MUL1: variants seen among roughly 807,000 people sequenced by gnomAD.
MUL1 encodes the protein mitochondrial E3 ubiquitin protein ligase 1.
Under a neutral mutation model 34.1 loss-of-function variants are expected in MUL1, and 30 were observed. The ratio of observed to expected loss-of-function variants is 0.88; its 90% CI spans 0.66 to 1.19. MUL1 has a LOEUF of 1.19. Ranked by LOEUF, MUL1 falls within the 50% of genes most tolerant of loss-of-function variation. The probability of loss-of-function intolerance (pLI) is 0.00; values close to 1 mark genes in which losing one functional copy is unlikely to be tolerated. For missense variants in MUL1, 419 were observed against 450.5 expected (o/e 0.93, Z 0.63); for synonymous variants, 191 against 187.8 (o/e 1.02, Z -0.14).
In MUL1 at chr1:20,500,432, C is replaced by T. The variant is rs2051642171; in HGVS notation, c.*258G>A. 1 of 421,552 alleles carries T rather than the reference C, an allele frequency of 2.4e-6. No homozygotes were observed. Among genetic ancestry groups the T allele is most frequent in the South Asian group, 4.9e-5 (1 of 20,316 alleles). 26.1% of individuals were successfully genotyped at this position (421,552 alleles called of 1,614,324 possible). On this transcript the variant is annotated 3_prime_UTR_variant, in exon 4 of 4. Coordinates refer to ENST00000264198, the MANE Select transcript of MUL1 (RefSeq NM_024544.3). ...AGTCACACTCGCACTGATCTGGCTC[C>T]TGGGAGGAGACGCCACGGCATCCTC... is the stretch of plus-strand genomic sequence containing the variant.
Position 20,500,533 on chromosome 1 carries a change from G to A in MUL1, c.*157C>T. On this transcript the variant is annotated 3_prime_UTR_variant, in exon 4 of 4. Coordinates refer to ENST00000264198, the MANE Select transcript of MUL1 (RefSeq NM_024544.3). ...TGGGAAAGGCAGCATCCTGCCATTG[G>A]AGGCATGGGTCTGGAGAGTTTCTAC... 1 of 942,292 alleles carries A rather than the reference G, an allele frequency of 1.1e-6. No homozygotes were observed. Among genetic ancestry groups the A allele is most frequent in the Non-Finnish European group, 1.5e-6 (1 of 647,144 alleles). 58.4% of individuals were successfully genotyped at this position (942,292 alleles called of 1,614,324 possible).
In MUL1 at chr1:20,500,871, T is replaced by C. The variant is rs149457360; in HGVS notation, c.878A>G (p.Glu293Gly). 1.7e-5 allele frequency: 27 copies of C among 1,613,992 alleles called. No homozygotes were observed. The highest frequency in any genetic ancestry group is 3.3e-5 in the Admixed American group (2 of 60,002). The change falls in exon 4 of 4, where the codon GAG becomes GGG. Residue 293 changes from glutamate (E) to glycine (G), a missense_variant. Transcript: ENST00000264198. ...EAQLLSRAKPEDRESLKSACV... is the reference protein window; with the variant it reads ...EAQLLSRAKPGDRESLKSACV... ...GGCGCTCTTCAGACTCTCCCTGTCCTCAGGCTTGGCTCGGCTCAGCAGCTG... is the reference window on the plus strand; with the variant it reads ...GGCGCTCTTCAGACTCTCCCTGTCCCCAGGCTTGGCTCGGCTCAGCAGCTG...
At chr1:20,507,691 A>G (rs1374113039) in intron 1 of MUL1, among the ~76,000 whole-genome samples, 1 of 152,264 alleles carries the variant, frequency 6.6e-6, no homozygotes, top group Non-Finnish European at 1.5e-5. Flanking sequence ...TCTGAGTCAT[A>G]AGAGGGACTT....
chr1:20,503,240 G>A lies in MUL1; in HGVS notation c.190C>T (p.Pro64Ser), dbSNP rs200441655. 144 of 1,607,892 alleles carry A rather than the reference G, an allele frequency of 9.0e-5. 1 individual carries two copies. Among genetic ancestry groups the A allele is most frequent in the Non-Finnish European group, 3.4e-6 (4 of 1,177,024 alleles). The change falls in exon 2 of 4, where the codon CCT becomes TCT. Residue 64 changes from proline to serine, a missense_variant. Physicochemically the swap from Pro to Ser is moderately conservative, Grantham distance 74. Transcript: ENST00000264198. ...ILSEAPGKCV[P>S]YAVIEGAVRS... ...AACATACCTTCTATAACAGCATAAG[G>A]CACGCATTTTCCTGGAGCTTCTGAA...
In MUL1 at chr1:20,508,078, C is replaced by T. The variant is rs1570338197; in HGVS notation, c.-54G>A. The T allele has an allele frequency of 1.9e-6, 3 of 1,552,518 alleles. No homozygotes were observed. In the Admixed American group the frequency reaches 5.9e-5, roughly 30 times the overall value. ...TGGCGCCAAGGATAGGCCTGGTGAC[C>T]CCCGACTCTCCACCTCCTTCCGACC... On this transcript the variant is annotated 5_prime_UTR_variant, in exon 1 of 4. Transcript: ENST00000264198.
rs2051666173 is a variant in MUL1, at chr1:20,501,998, C to T, written c.329+71G>A. ...TCAGGAGAAGCTGAAGTCACGGCAA[C>T]AGCACCCAGGACCCCAGCATTTGAA... On this transcript the variant is annotated intron_variant, in intron 3 of 3. Transcript: ENST00000264198. This position sits in a 1 kb window ranked among gnomAD's most constrained non-coding sequence, Gnocchi z 4.2. 2.5e-6 allele frequency: 4 copies of T among 1,597,624 alleles called. No homozygotes were observed. The African/African-American group carries it at 5.4e-5, about 21-fold the overall frequency.
intron 1 of MUL1, 45 bp downstream of exon 1, chr1:20,507,860 G>T (rs1327661539): frequency 7.6e-6 from 12 of 1,582,452 alleles, no homozygotes; most frequent in Non-Finnish European, 8.6e-6. Flanking sequence ...CCAGCACCTG[G>T]GACAGAGATG....
In MUL1 at chr1:20,500,549, G is replaced by T; in HGVS notation, c.*141C>A. 1 of 1,145,706 alleles carries T rather than the reference G, an allele frequency of 8.7e-7. No individual in the cohort carries two copies. The highest frequency in any genetic ancestry group is 1.2e-6 in the Non-Finnish European group (1 of 817,714). 71.0% of individuals were successfully genotyped at this position (1,145,706 alleles called of 1,614,324 possible). A position where few individuals can be genotyped will look rare whatever the true frequency, so the allele number is the denominator to read the frequency against. ...CTGCCATTGGAGGCATGGGTCTGGAGAGTTTCTACCCAATTCCTCCCTCAA... is the reference window on the plus strand; with the variant it reads ...CTGCCATTGGAGGCATGGGTCTGGATAGTTTCTACCCAATTCCTCCCTCAA... On this transcript the variant is annotated 3_prime_UTR_variant, in exon 4 of 4. Transcript: ENST00000264198.
At position 20,501,884 on chromosome 1, in the gene MUL1, A is replaced by G. The variant is rs2051664689; in HGVS notation, c.329+185T>C. On this transcript the variant is annotated intron_variant, in intron 3 of 3. Transcript: ENST00000264198. The surrounding 1 kb of genome is among the most constrained non-coding windows in gnomAD (Gnocchi z 4.2). ...AGGGAGCTCAGAAATCTGCATTTCAACAAGATGCCTCGGTGATTCCGACAT... is the reference window on the plus strand; with the variant it reads ...AGGGAGCTCAGAAATCTGCATTTCAGCAAGATGCCTCGGTGATTCCGACAT... 6.6e-6 allele frequency among the ~76,000 whole-genome samples: 1 copy of G among 152,230 alleles called. No homozygotes were observed. Among genetic ancestry groups the G allele is most frequent in the Non-Finnish European group, 1.5e-5 (1 of 68,036 alleles).
At chr1:20,506,753 G>A (rs1002372590) in intron 1 of MUL1, among the ~76,000 whole-genome samples, 2 of 152,098 alleles carry the variant, frequency 1.3e-5, no homozygotes, top group East Asian at 1.9e-4. Context: ...CGGAGGCTGA[G>A]GCAGGAAAAT....
chr1:20,504,880 CATT>C (rs1234422893), intron 1 of MUL1, among the ~76,000 whole-genome samples: 3 of 152,190 alleles, frequency 2.0e-5, no homozygotes, highest in South Asian at 4.1e-4. Flanking sequence ...TTACGGTAGA[CATT>C]ATTATCACCA....
chr1:20,499,450 G>C lies in MUL1; in HGVS notation c.*1240C>G, dbSNP rs1380183508. The C allele has an allele frequency of 6.6e-6, 1 of 152,246 alleles. No homozygotes were observed. The highest frequency in any genetic ancestry group is 1.5e-5 in the Non-Finnish European group (1 of 68,060). 9.4% of individuals were successfully genotyped at this position (152,246 alleles called of 1,614,324 possible). On this transcript the variant is annotated 3_prime_UTR_variant, in exon 4 of 4. Coordinates refer to ENST00000264198, the MANE Select transcript of MUL1 (RefSeq NM_024544.3). ...TTAACAAAGCAACAGGCTAGCACTT[G>C]GTTGCAACATGTTTAATTTCTGCTG...
intron 1 of MUL1, among the ~76,000 whole-genome samples, chr1:20,505,745 T>C (rs866539405): frequency 6.6e-6 from 1 of 152,006 alleles, no homozygotes; most frequent in African/African-American, 2.4e-5. Flanking sequence ...CAGTCCCAAC[T>C]TTTTTTCCAG....
At position 20,507,898 on chromosome 1, in the gene MUL1, C is replaced by G. The variant is rs2051732848; in HGVS notation, c.120+7G>C. The G allele has an allele frequency of 6.3e-7, 1 of 1,597,202 alleles. No individual in the cohort carries two copies. Among genetic ancestry groups the G allele is most frequent in the African/African-American group, 1.3e-5 (1 of 74,782 alleles). ...CCGGCTGAGGCCAGGCCGGCTCCAG[C>G]ACTGACCTTGAGCTCTTGGGAGACC... On this transcript the variant is annotated splice_region_variant and intron_variant, in intron 1 of 3. Transcript: ENST00000264198.
In MUL1 at chr1:20,502,316, A is replaced by G. The variant is rs993223361; in HGVS notation, c.209-127T>C. On this transcript the variant is annotated intron_variant, in intron 2 of 3. Transcript: ENST00000264198. ...ATAATCCCAACACTTTGGGAAGCCA[A>G]GTCAGAAGGATCACTTGGGGCCACG... is the stretch of plus-strand genomic sequence containing the variant. 4 of 1,274,070 alleles carry G rather than the reference A, an allele frequency of 3.1e-6. No homozygotes were observed. The African/African-American group carries it at 5.9e-5, about 19-fold the overall frequency. 78.9% of individuals were successfully genotyped at this position (1,274,070 alleles called of 1,614,324 possible).
At chr1:20,504,590 A>G (rs1019992763) in intron 1 of MUL1, among the ~76,000 whole-genome samples, 1 of 152,216 alleles carries the variant, frequency 6.6e-6, no homozygotes, top group Admixed American at 6.5e-5. Context: ...TTAGCCACTT[A>G]CACTGTGAAG....
rs2298295 is a variant in MUL1 at position 20,508,105 on chromosome 1, G to A, written c.-81C>T. The A allele has an allele frequency of 0.031, 47,374 of 1,519,606 alleles. 1,584 individuals carry two copies. The highest frequency in any genetic ancestry group is 0.14 in the Admixed American group (6,801 of 48,956). The allele number at this position is 1,519,606 out of a possible 1,614,324, so 94.1% of individuals were successfully genotyped here. ...CCGACTCTCCACCTCCTTCCGACCA[G>A]GACCGCACCCCCCCGGCCTAACCTG... On this transcript the variant is annotated 5_prime_UTR_variant, in exon 1 of 4. Coordinates refer to ENST00000264198, the MANE Select transcript of MUL1 (RefSeq NM_024544.3).
rs989768944 is a variant in MUL1 at position 20,508,143 on chromosome 1, A to G, written c.-119T>C. On this transcript the variant is annotated 5_prime_UTR_variant, in exon 1 of 4. Transcript: ENST00000264198. ...CCGGCCTAACCTGACCGGAAACTCG[A>G]AATCAGTCGCCCAGCGATGACGCAC... 3.6e-6 allele frequency: 5 copies of G among 1,406,704 alleles called. No individual in the cohort carries two copies. Among genetic ancestry groups the G allele is most frequent in the Non-Finnish European group, 4.7e-6 (5 of 1,057,574 alleles). The allele number at this position is 1,406,704 out of a possible 1,614,324, so 87.1% of individuals were successfully genotyped here.
At chr1:20,504,032 T>G (rs2101117523) in intron 1 of MUL1, among the ~76,000 whole-genome samples, 1 of 152,124 alleles carries the variant, frequency 6.6e-6, no homozygotes, top group South Asian at 2.1e-4. Context: ...CCACCACACC[T>G]GTCTAATTTT....
Sources: gnomAD v4.1 joint callset for allele counts (sites outside exome capture counted in the v4.1 genomes callset) on GRCh38, gnomAD v4.1.1 for gene constraint, Gnocchi (gnomAD v3.1) non-coding constraint, MANE v1.5 for transcripts, NCBI Gene and HGNC (gene_info 2026-07-23, HGNC 2026-07-21) for gene names.